The following GPC1 variants were observed in gnomAD, a reference collection of about 807,000 sequenced individuals.
GPC1 encodes glypican-1.
GPC1 carries 26 observed loss-of-function variants against 51.5 expected under a neutral mutation model. That is an observed-to-expected ratio of 0.50 (90% CI 0.37 to 0.70). The LOEUF (loss-of-function observed/expected upper bound fraction) is 0.70, where lower values mean the gene tolerates loss of function less well. Among genes scored for constraint, GPC1 ranks in the 30% least tolerant of loss-of-function variants. The probability of loss-of-function intolerance (pLI) is 0.00; values close to 1 mark genes in which losing one functional copy is unlikely to be tolerated. For synonymous variants in GPC1, 380 were observed against 348.3 expected (o/e 1.09, Z -1.01); for missense variants, 775 against 800.5 (o/e 0.97, Z 0.38).
At position 240,462,192 on chromosome 2, in the gene GPC1, C is replaced by T; in HGVS notation, c.327C>T (p.Asp109=). The T allele has an allele frequency of 1.3e-6, 2 of 1,587,960 alleles. No homozygotes were observed. The highest frequency in any genetic ancestry group is 1.7e-6 in the Non-Finnish European group (2 of 1,164,232). The change falls in exon 3 of 9, where the codon GAC becomes GAT. Residue 109 remains aspartate, a splice_region_variant and synonymous_variant. Transcript: ENST00000264039. ...MLATQLRSFD[D]HFQHLLNDSE... ...ATCACGCCCCCTCCCTGTGCGCAGA[C>T]CACTTCCAGCACCTGCTGAACGACT...
chr2:240,435,819 G>C lies in GPC1; in HGVS notation c.-100G>C. 2.6e-6 allele frequency: 2 copies of C among 779,850 alleles called. No homozygotes were observed. Among genetic ancestry groups the C allele is most frequent in the Non-Finnish European group, 3.4e-6 (2 of 585,404 alleles). The allele number at this position is 779,850 out of a possible 1,614,324, so 48.3% of individuals were successfully genotyped here. ...CTCTGGACCGCGAGCCGCGCGCGCC[G>C]GGACCTTGGCTCTGCCCTTCGCGGG... On this transcript the variant is annotated 5_prime_UTR_variant, in exon 1 of 9. Transcript: ENST00000264039.
intron 1 of GPC1, chr2:240,456,102 G>A (rs1454640005): frequency 2.4e-5 from 7 of 290,782 alleles, no homozygotes; most frequent in Admixed American, 5.3e-5. Context: ...AACGCAGGTC[G>A]CCGGGCCGGC....
chr2:240,447,601 C>T (rs932355057), intron 1 of GPC1, among the ~76,000 whole-genome samples: 1 of 152,208 alleles, frequency 6.6e-6, no homozygotes, highest in African/African-American at 2.4e-5. Context: ...TTCCTGGTGG[C>T]CGTCGTCTTA....
intron 1 of GPC1, among the ~76,000 whole-genome samples, chr2:240,445,084 G>T (rs544556830): frequency 1.4e-4 from 22 of 152,302 alleles, no homozygotes; most frequent in African/African-American, 5.3e-4. Flanking sequence ...CAGCCCCACT[G>T]TTCCTGAACG....
rs551600722 is a variant in GPC1 at position 240,457,357 on chromosome 2, C to T, written c.167-1673C>T. Reference sequence around the variant, plus strand: ...GGGCCAAGCGGCAGCCGCCCAAGCCCGGATTCGGGTTCTCTGTTCCCTTCT... The same window carrying T: ...GGGCCAAGCGGCAGCCGCCCAAGCCTGGATTCGGGTTCTCTGTTCCCTTCT... On this transcript the variant is annotated intron_variant, in intron 1 of 8. Coordinates refer to ENST00000264039, the MANE Select transcript of GPC1 (RefSeq NM_002081.3). 189 of 446,706 alleles carry T rather than the reference C, an allele frequency of 4.2e-4. 1 individual carries two copies. Among genetic ancestry groups the T allele is most frequent in the South Asian group, 2.8e-3 (180 of 63,750 alleles). 27.7% of individuals were successfully genotyped at this position (446,706 alleles called of 1,614,324 possible).
At chr2:240,436,896 C>A (rs1164129049) in intron 1 of GPC1, among the ~76,000 whole-genome samples, 1 of 152,268 alleles carries the variant, frequency 6.6e-6, no homozygotes, top group Non-Finnish European at 1.5e-5. Context: ...GCCCTGCAGC[C>A]GCCTGCGGCT....
intron 5 of GPC1, 39 bp downstream of exon 5, chr2:240,464,785 G>T (rs1486471994): frequency 1.3e-6 from 2 of 1,580,508 alleles, no homozygotes; most frequent in East Asian, 2.3e-5. Context: ...GCGGGGTGGG[G>T]GTCCTGGATG....
chr2:240,465,270 C>T (rs2074251344), intron 7 of GPC1, 60 bp downstream of exon 7: 1 of 1,535,050 alleles, frequency 6.5e-7, no homozygotes, highest in Non-Finnish European at 8.8e-7. Flanking sequence ...TGGGCTGTGC[C>T]TGGGCCAGGT....
chr2:240,449,004 G>A (rs1252985212), intron 1 of GPC1, among the ~76,000 whole-genome samples: 1 of 152,116 alleles, frequency 6.6e-6, no homozygotes, highest in Non-Finnish European at 1.5e-5. Flanking sequence ...TCTGCCTTAG[G>A]GAGAAGTCTG....
In GPC1 at chr2:240,464,983, GC is replaced by G. The variant is rs1255488390; in HGVS notation, c.1134+12del. On this transcript the variant is annotated intron_variant, in intron 6 of 8. Transcript: ENST00000264039. Reference sequence around the variant, plus strand: ...GGCACGCTGGAGAAGCTGGTGAGTGGCCCCTGCGTGTCCACTGGACCAGGCA... The same window carrying G: ...GGCACGCTGGAGAAGCTGGTGAGTGGCCCTGCGTGTCCACTGGACCAGGCA... 1 of 1,558,132 alleles carries G rather than the reference GC, an allele frequency of 6.4e-7. No homozygotes were observed. The highest frequency in any genetic ancestry group is 2.4e-5 in the East Asian group (1 of 41,726).
chr2:240,466,436 C>T lies in GPC1; in HGVS notation c.*146C>T. ...CTGAGCAGGGGCAGGCGCAGAGGTC[C>T]CAGCCCCAGGCCTGGCCTCGCCTGC... On this transcript the variant is annotated 3_prime_UTR_variant, in exon 9 of 9. Coordinates refer to ENST00000264039, the MANE Select transcript of GPC1 (RefSeq NM_002081.3). 6 of 594,126 alleles carry T rather than the reference C, an allele frequency of 1.0e-5. No homozygotes were observed. Among genetic ancestry groups the T allele is most frequent in the Non-Finnish European group, 1.8e-5 (6 of 331,022 alleles). 36.8% of individuals were successfully genotyped at this position (594,126 alleles called of 1,614,324 possible).
At chr2:240,456,261 C>T (rs996186987) in intron 1 of GPC1, among the ~76,000 whole-genome samples, 1 of 152,058 alleles carries the variant, frequency 6.6e-6, no homozygotes, top group African/African-American at 2.4e-5. Context: ...CCATATCTTA[C>T]GGGTGTTTCG....
chr2:240,460,634 G>A (rs1008697289), intron 2 of GPC1, among the ~76,000 whole-genome samples: 17 of 152,128 alleles, frequency 1.1e-4, no homozygotes, highest in African/African-American at 3.9e-4. Context: ...CCCTGCCGCC[G>A]CCCTCCCTCT....
At chr2:240,443,248 C>T (rs2074029632) in intron 1 of GPC1, among the ~76,000 whole-genome samples, 1 of 152,254 alleles carries the variant, frequency 6.6e-6, no homozygotes, top group Non-Finnish European at 1.5e-5. Flanking sequence ...TGTGAGTGTG[C>T]CTTGGACAGG....
In GPC1 at chr2:240,453,002, T is replaced by TGGAGCCGCC. The variant is rs750115710; in HGVS notation, c.167-6026_167-6018dup. ...GAGCCCGCGCGCCGCCCGGAGCCGC[T>TGGAGCCGCC]GGAGCCGCCGCTGCGAAGGGGGTCC... On this transcript the variant is annotated intron_variant, in intron 1 of 8. Coordinates refer to ENST00000264039, the MANE Select transcript of GPC1 (RefSeq NM_002081.3). The TGGAGCCGCC allele has an allele frequency of 3.7e-3, 1,312 of 351,818 alleles. 13 individuals are homozygous for TGGAGCCGCC. Among genetic ancestry groups the TGGAGCCGCC allele is most frequent in the African/African-American group, 0.028 (1,198 of 43,050 alleles). 21.8% of individuals were successfully genotyped at this position (351,818 alleles called of 1,614,324 possible).
intron 1 of GPC1, chr2:240,442,437 C>A (rs1469963707): frequency 2.0e-5 from 3 of 152,256 alleles, no homozygotes; most frequent in Non-Finnish European, 4.4e-5. Context: ...TGTGCGTCCA[C>A]CAGGCTGGCC....
At chr2:240,457,341 G>C (rs1272658639) in intron 1 of GPC1, 1 of 442,086 alleles carries the variant, frequency 2.3e-6, no homozygotes, top group African/African-American at 2.0e-5. Flanking sequence ...GGGGCCAAGC[G>C]GCAGCCGCCC....
At chr2:240,438,848 C>A (rs181209583) in intron 1 of GPC1, among the ~76,000 whole-genome samples, 49 of 152,332 alleles carry the variant, frequency 3.2e-4, no homozygotes, top group African/African-American at 1.1e-3. Flanking sequence ...GGCAAGGAAG[C>A]AGGCCTGGGT....
At chr2:240,443,675 C>G (rs756833604) in intron 1 of GPC1, among the ~76,000 whole-genome samples, 2 of 152,196 alleles carry the variant, frequency 1.3e-5, no homozygotes, top group East Asian at 3.9e-4. Context: ...ACTAGGCCTC[C>G]TGGTGGGCTC....
Sources: allele counts gnomAD v4.1 joint callset (sites outside exome capture counted in the v4.1 genomes callset), GRCh38; gene constraint gnomAD v4.1.1; transcripts MANE v1.5; gene names NCBI Gene and HGNC (gene_info 2026-07-23, HGNC 2026-07-21).